The following MYO1B variants were observed in gnomAD, a reference collection of about 807,000 sequenced individuals.
MYO1B encodes the protein unconventional myosin-Ib.
In MYO1B, 72 loss-of-function variants were observed where a neutral mutation model predicts 159.7. The observed-to-expected ratio is 0.45, with a 90% confidence interval of 0.37 to 0.55. MYO1B has a LOEUF of 0.55. MYO1B is among the 20% of genes least tolerant of loss of function. The pLI is 0.00. For synonymous variants in MYO1B, 468 were observed against 473.8 expected (o/e 0.99, Z 0.16); for missense variants, 1,062 against 1,364.8 (o/e 0.78, Z 3.50).
chr2:191,308,457 A>G lies in MYO1B; in HGVS notation c.251+12231A>G, dbSNP rs546481434. ...CTTTTTCCAAGACATGTTTAAGGGT[A>G]GCAACAGTTCAACTCAATAAACATT... On this transcript the variant is annotated intron_variant, in intron 3 of 30. Transcript: ENST00000392318. Among the ~76,000 whole-genome samples, 6 of 152,308 alleles carry G rather than the reference A, an allele frequency of 3.9e-5. No individual in the cohort carries two copies. In the South Asian group the frequency reaches 1.0e-3, roughly 26 times the overall value.
chr2:191,320,358 T>C lies in MYO1B; in HGVS notation c.252-9577T>C, dbSNP rs151315640. ...GGAGTACTGAATTATCTTAAAATTATTCCCAGAATGCTTCCTTCTTTACAG... is the reference window on the plus strand; with the variant it reads ...GGAGTACTGAATTATCTTAAAATTACTCCCAGAATGCTTCCTTCTTTACAG... On this transcript the variant is annotated intron_variant, in intron 3 of 30. Transcript: ENST00000392318. 1.9e-3 allele frequency among the ~76,000 whole-genome samples: 295 copies of C among 152,308 alleles called. 1 individual carries two copies. Among genetic ancestry groups the C allele is most frequent in the African/African-American group, 6.8e-3 (284 of 41,574 alleles).
At chr2:191,362,410 C>A in intron 9 of MYO1B, 39 bp downstream of exon 9, 2 of 1,471,936 alleles carry the variant, frequency 1.4e-6, no homozygotes, top group Non-Finnish European at 1.9e-6. Context: ...AAATTGCATA[C>A]CACTGCATTG....
Position 191,409,088 on chromosome 2 carries a change from A to G in MYO1B, c.2676A>G (p.Leu892=). The change falls in exon 26 of 31, where the codon TTA becomes TTG. Residue 892 remains leucine, a synonymous_variant. Transcript: ENST00000392318. ...FLEMKNKMPS[L]SPIDKNWPSR... ...AAATGAAAAATAAGATGCCTTCCTT[A>G]TCTCCAATAGACAAGAATTGGCCCT... 6.2e-7 allele frequency: 1 copy of G among 1,612,832 alleles called. No homozygotes were observed. Among genetic ancestry groups the G allele is most frequent in the South Asian group, 1.1e-5 (1 of 90,468 alleles).
intron 3 of MYO1B, among the ~76,000 whole-genome samples, chr2:191,325,179 C>A (rs1690971713): frequency 6.6e-6 from 1 of 151,976 alleles, no homozygotes; most frequent in Admixed American, 6.6e-5. Context: ...TTTAGAAACA[C>A]CCAGTTTTAG....
At chr2:191,348,946 T>G (rs115759919) in intron 6 of MYO1B, among the ~76,000 whole-genome samples, 4,787 of 152,304 alleles carry the variant, frequency 0.031, 89 homozygotes, top group Middle Eastern at 0.054. Flanking sequence ...CCAATTCTTA[T>G]GCCTACTCCT....
intron 4 of MYO1B, among the ~76,000 whole-genome samples, chr2:191,337,532 A>G (rs369775739): frequency 8.5e-5 from 13 of 152,244 alleles, no homozygotes; most frequent in African/African-American, 2.4e-4. Context: ...ATATGTGTTA[A>G]CCCTAAATGT....
chr2:191,408,984 A>G, intron 25 of MYO1B, 60 bp from the exon 26 acceptor site: 2 of 1,529,384 alleles, frequency 1.3e-6, no homozygotes, highest in Non-Finnish European at 1.8e-6. Flanking sequence ...TGATGTATGT[A>G]AAACAGTGTC....
intron 3 of MYO1B, among the ~76,000 whole-genome samples, chr2:191,326,937 A>C (rs1008174535): frequency 6.6e-6 from 1 of 152,200 alleles, no homozygotes; most frequent in South Asian, 2.1e-4. Flanking sequence ...TCAACAATAC[A>C]TGAAGAATTC....
chr2:191,384,656 G>T (rs1163222678), intron 15 of MYO1B, among the ~76,000 whole-genome samples: 1 of 152,152 alleles, frequency 6.6e-6, no homozygotes, highest in Non-Finnish European at 1.5e-5. Flanking sequence ...TGTGAAGGAG[G>T]TAATTTGCTA....
At chr2:191,334,043 A>G (rs933244724) in intron 4 of MYO1B, among the ~76,000 whole-genome samples, 1 of 152,184 alleles carries the variant, frequency 6.6e-6, no homozygotes, top group Non-Finnish European at 1.5e-5. Flanking sequence ...TTGGAAGAAG[A>G]AAAGAAAATA....
chr2:191,247,688 T>A (rs1322719642), intron 1 of MYO1B, among the ~76,000 whole-genome samples: 1 of 152,252 alleles, frequency 6.6e-6, no homozygotes, highest in Non-Finnish European at 1.5e-5. Context: ...TGAATTGTTT[T>A]ATAAAATACA....
rs772667849 is a variant in MYO1B at position 191,400,407 on chromosome 2, A to G, written c.2321A>G (p.Lys774Arg). ...GCTCGAAAAATTCTGCGGGAACTGA[A>G]GCATCAAAAGCGCTGTAAGGAAGCA... Reference protein sequence around the residue: ...WKARKILRELKHQKRCKEAVT... With the variant: ...WKARKILRELRHQKRCKEAVT... Residue 774 changes from lysine to arginine, a missense_variant, in exon 22 of 31, where the codon AAG (lysine) becomes AGG (arginine). By Grantham distance (26) the Lys-to-Arg change is conservative. Transcript: ENST00000392318. 16 of 1,614,016 alleles carry G rather than the reference A, an allele frequency of 9.9e-6. No individual in the cohort carries two copies. The highest frequency in any genetic ancestry group is 9.3e-6 in the Non-Finnish European group (11 of 1,180,018).
At chr2:191,346,685 G>A (rs1459505165) in intron 6 of MYO1B, among the ~76,000 whole-genome samples, 1 of 152,188 alleles carries the variant, frequency 6.6e-6, no homozygotes, top group African/African-American at 2.4e-5. Flanking sequence ...CAGAAAGGAT[G>A]GGATGTATTT....
Position 191,250,112 on chromosome 2 carries a change from G to A in MYO1B, c.-10+4486G>A, listed in dbSNP as rs117527643. On this transcript the variant is annotated intron_variant, in intron 1 of 30. Transcript: ENST00000392318. Reference sequence around the variant, plus strand: ...GGAAATCCATTGTGCTTTCAGGGTCGTTGTAGCAGGGCAGGTGGATGCATC... The same window carrying A: ...GGAAATCCATTGTGCTTTCAGGGTCATTGTAGCAGGGCAGGTGGATGCATC... Among the ~76,000 whole-genome samples the A allele has an allele frequency of 6.2e-4, 95 of 152,312 alleles. 1 individual carries two copies. In the East Asian group the frequency reaches 0.011, roughly 17 times the overall value.
chr2:191,259,262 A>G (rs985226266), intron 1 of MYO1B, among the ~76,000 whole-genome samples: 2 of 152,084 alleles, frequency 1.3e-5, no homozygotes, highest in African/African-American at 4.8e-5. Context: ...ATTTAGGGGG[A>G]AACTTTATTT....
intron 8 of MYO1B, 63 bp downstream of exon 8, chr2:191,360,792 G>C: frequency 7.9e-7 from 1 of 1,265,206 alleles, no homozygotes; most frequent in East Asian, 2.3e-5. Context: ...TGTTGTTGGA[G>C]CTGGGAGTCT....
intron 3 of MYO1B, among the ~76,000 whole-genome samples, chr2:191,315,152 C>T (rs964447259): frequency 1.7e-5 from 2 of 119,164 alleles, no homozygotes; most frequent in African/African-American, 2.9e-5. Flanking sequence ...TCCCACCGTC[C>T]GTCCGTCCAT....
chr2:191,302,243 GT>G (rs1689380630), intron 3 of MYO1B, among the ~76,000 whole-genome samples: 1 of 152,162 alleles, frequency 6.6e-6, no homozygotes, highest in Non-Finnish European at 1.5e-5. Context: ...GGTTGATTAG[GT>G]TTTGGTGTCA....
chr2:191,358,229 G>A lies in MYO1B; in HGVS notation c.563-2402G>A, dbSNP rs552848331. Among the ~76,000 whole-genome samples, 242 of 152,230 alleles carry A rather than the reference G, an allele frequency of 1.6e-3. 1 individual carries two copies. Among genetic ancestry groups the A allele is most frequent in the African/African-American group, 5.1e-3 (211 of 41,520 alleles). Reference sequence around the variant, plus strand: ...GCCTCATTTTCTCATTTGTAAAATAGGGATTATAAAACCAACCTCAGGGAA... The same window carrying A: ...GCCTCATTTTCTCATTTGTAAAATAAGGATTATAAAACCAACCTCAGGGAA... On this transcript the variant is annotated intron_variant, in intron 7 of 30. Coordinates refer to ENST00000392318, the MANE Select transcript of MYO1B (RefSeq NM_001130158.3).
Sources: gnomAD v4.1 joint callset for allele counts (sites outside exome capture counted in the v4.1 genomes callset) on GRCh38, gnomAD v4.1.1 for gene constraint, MANE v1.5 for transcripts, NCBI Gene and HGNC (gene_info 2026-07-23, HGNC 2026-07-21) for gene names.